Variants in LOC400499 observed in about 807,000 individuals in gnomAD.
the LOC400499 span, among the ~76,000 whole-genome samples, chr16:11,412,420 G>C: frequency 1.3e-5 from 2 of 152,194 alleles, no homozygotes; most frequent in South Asian, 2.1e-4. Context: ...TCGCCCCTAG[G>C]TGAGAACCAC....
the LOC400499 span, among the ~76,000 whole-genome samples, chr16:11,459,230 T>C: frequency 1.9e-3 from 263 of 137,152 alleles, 3 homozygotes; most frequent in African/African-American, 7.1e-3. Flanking sequence ...GGAGTCTCGC[T>C]GTTTCGCCCA....
At chr16:11,484,770 G>A in the LOC400499 span, 2 of 397,778 alleles carry the variant, frequency 5.0e-6, no homozygotes, top group Admixed American at 4.4e-5. Context: ...CTGCAAGGAG[G>A]AGGCAGAGTC....
the LOC400499 span, among the ~76,000 whole-genome samples, chr16:11,491,044 T>C: frequency 5.5e-4 from 83 of 152,214 alleles, no homozygotes; most frequent in Non-Finnish European, 1.0e-3. Flanking sequence ...GTGTATTAAC[T>C]CATTTTATGC....
chr16:11,463,425 T>C, the LOC400499 span, among the ~76,000 whole-genome samples: 3 of 142,176 alleles, frequency 2.1e-5, no homozygotes, highest in Admixed American at 1.4e-4. Context: ...CAGATGTATC[T>C]GTACATGGAT....
chr16:11,424,576 C>T, the LOC400499 span, among the ~76,000 whole-genome samples: 1 of 152,242 alleles, frequency 6.6e-6, no homozygotes, highest in Non-Finnish European at 1.5e-5. Flanking sequence ...GGTCCAACCT[C>T]ACAGCACAAT....
At chr16:11,384,844 A>C in the LOC400499 span, 1 of 1,231,210 alleles carries the variant, frequency 8.1e-7, no homozygotes, top group Non-Finnish European at 1.0e-6. Flanking sequence ...CATCCCAAAG[A>C]GTCCGCTGTA....
the LOC400499 span, among the ~76,000 whole-genome samples, chr16:11,477,115 GCA>G: frequency 1.3e-5 from 2 of 152,242 alleles, no homozygotes; most frequent in African/African-American, 4.8e-5. Context: ...GTCCTCACCT[GCA>G]CTAATCCCTT....
chr16:11,432,645 T>C, the LOC400499 span, among the ~76,000 whole-genome samples: 1 of 152,060 alleles, frequency 6.6e-6, no homozygotes. Flanking sequence ...TGCTGGAAAA[T>C]TGGGGCAGGG....
the LOC400499 span, among the ~76,000 whole-genome samples, chr16:11,402,760 C>T: frequency 2.6e-5 from 4 of 152,164 alleles, no homozygotes; most frequent in Admixed American, 6.5e-5. Context: ...CCCAGGTGAC[C>T]CACAGCCTCG....
chr16:11,432,732 G>A, the LOC400499 span, among the ~76,000 whole-genome samples: 1 of 152,148 alleles, frequency 6.6e-6, no homozygotes, highest in African/African-American at 2.4e-5. Flanking sequence ...TCACCACCAG[G>A]AACAAGATCA....
the LOC400499 span, chr16:11,469,257 G>A: frequency 9.4e-4 from 376 of 399,236 alleles, 2 homozygotes; most frequent in African/African-American, 7.0e-3. Flanking sequence ...CATCTTTCCT[G>A]GGGGTGCAAA....
At chr16:11,461,100 C>G in the LOC400499 span, 2 of 1,535,590 alleles carry the variant, frequency 1.3e-6, no homozygotes, top group Non-Finnish European at 1.7e-6. Flanking sequence ...GTCCATTCTC[C>G]TCCTTCCTCT....
chr16:11,414,485 C>A, the LOC400499 span: 1 of 400,076 alleles, frequency 2.5e-6, no homozygotes, highest in East Asian at 3.6e-5. Flanking sequence ...CCATGGAGGG[C>A]CACCCTGGCC....
the LOC400499 span, among the ~76,000 whole-genome samples, chr16:11,443,839 C>CTT: frequency 5.8e-4 from 86 of 147,170 alleles, no homozygotes; most frequent in Middle Eastern, 6.9e-3. Flanking sequence ...AATCCCAACA[C>CTT]TTTTTTTTTT....
the LOC400499 span, among the ~76,000 whole-genome samples, chr16:11,381,374 T>C: frequency 6.6e-6 from 1 of 151,948 alleles, no homozygotes; most frequent in Non-Finnish European, 1.5e-5. Context: ...GTGCTGGGAG[T>C]ACAAGTGTGA....
chr16:11,393,629 C>T, the LOC400499 span: 11 of 1,202,904 alleles, frequency 9.1e-6, no homozygotes, highest in African/African-American at 1.6e-5. Context: ...CCTGCCCGCC[C>T]CAGGCTCAGG....
chr16:11,397,384 C>T, the LOC400499 span, among the ~76,000 whole-genome samples: 1 of 152,152 alleles, frequency 6.6e-6, no homozygotes, highest in Admixed American at 6.5e-5. Flanking sequence ...AGCGATTCTC[C>T]TACCTCAGCC....
At chr16:11,402,518 C>A in the LOC400499 span, among the ~76,000 whole-genome samples, 1 of 152,160 alleles carries the variant, frequency 6.6e-6, no homozygotes, top group Non-Finnish European at 1.5e-5. Flanking sequence ...CCTTAGGAGG[C>A]CTCACCCCGC....
chr16:11,429,752 G>A, the LOC400499 span, among the ~76,000 whole-genome samples: 3 of 151,812 alleles, frequency 2.0e-5, no homozygotes, highest in Non-Finnish European at 4.4e-5. Flanking sequence ...GGGATTACAG[G>A]CATGAGCCAC....
Sources: allele counts gnomAD v4.1 joint callset (sites outside exome capture counted in the v4.1 genomes callset), GRCh38; gene constraint gnomAD v4.1.1; transcripts MANE v1.5.